Variants in HSD17B3 observed in about 807,000 individuals in gnomAD.
HSD17B3 encodes 17-beta-hydroxysteroid dehydrogenase type 3.
Under a neutral mutation model 41.1 loss-of-function variants are expected in HSD17B3, and 29 were observed. The ratio of observed to expected loss-of-function variants is 0.71; its 90% confidence interval spans 0.53 to 0.96. The LOEUF (loss-of-function observed/expected upper bound fraction) is 0.96, where lower values mean the gene tolerates loss of function less well. Ranked by LOEUF, HSD17B3 falls within the 40% of genes least tolerant of loss-of-function variation. HSD17B3 has a pLI of 0.00. For synonymous variants in HSD17B3, 126 were observed against 145.6 expected (o/e 0.87, Z 0.97); for missense variants, 323 against 374.6 (o/e 0.86, Z 1.14).
Position 96,273,234 on chromosome 9 carries a change from T to C in HSD17B3, c.202-18291A>G, listed in dbSNP as rs138156849. ...AAGAATACATATTATCTCTCTATAGTACTATGAGATCTTAGTCCACACACC... is the reference window on the plus strand; with the variant it reads ...AAGAATACATATTATCTCTCTATAGCACTATGAGATCTTAGTCCACACACC... On this transcript the variant is annotated intron_variant, in intron 2 of 10. Coordinates refer to ENST00000375263, the MANE Select transcript of HSD17B3 (RefSeq NM_000197.2). 3.7e-3 allele frequency among the ~76,000 whole-genome samples: 562 copies of C among 152,298 alleles called. 9 individuals carry two copies. The highest frequency in any genetic ancestry group is 0.013 in the African/African-American group (525 of 41,564).
chr9:96,241,769 C>T (rs368254509), intron 9 of HSD17B3, among the ~76,000 whole-genome samples: 28 of 151,926 alleles, frequency 1.8e-4, no homozygotes, highest in African/African-American at 5.8e-4. Context: ...ACCTCATCTC[C>T]ATTAAAAATA....
chr9:96,269,909 GAAA>G (rs59947729), intron 2 of HSD17B3, among the ~76,000 whole-genome samples: 2 of 103,894 alleles, frequency 1.9e-5, no homozygotes, highest in African/African-American at 3.7e-5. Context: ...ATCTTAAAAA[GAAA>G]AAAAAAAAAA....
At position 96,281,816 on chromosome 9, in the gene HSD17B3, G is replaced by A. The variant is rs1826702967; in HGVS notation, c.201+16600C>T. Among the ~76,000 whole-genome samples the A allele has an allele frequency of 2.0e-5, 3 of 152,166 alleles. No homozygotes were observed. The South Asian group carries it at 6.2e-4, about 32-fold the overall frequency. ...CTTTTCAGCGTTGCTGCAATGGGTGGTTTTTTCTCTGGGCTCTGTGAGCGT... is the reference window on the plus strand; with the variant it reads ...CTTTTCAGCGTTGCTGCAATGGGTGATTTTTTCTCTGGGCTCTGTGAGCGT... On this transcript the variant is annotated intron_variant, in intron 2 of 10. Transcript: ENST00000375263.
chr9:96,273,264 T>C (rs1367667352), intron 2 of HSD17B3, among the ~76,000 whole-genome samples: 1 of 152,194 alleles, frequency 6.6e-6, no homozygotes, highest in Non-Finnish European at 1.5e-5. Context: ...CACACCCCCA[T>C]AATTTAACAT....
chr9:96,242,001 GAAA>G (rs1564023457), intron 9 of HSD17B3, among the ~76,000 whole-genome samples: 3 of 130,504 alleles, frequency 2.3e-5, no homozygotes, highest in Non-Finnish European at 4.9e-5. Context: ...AAGAAAGAAA[GAAA>G]GAGAAAGAAA....
chr9:96,301,943 T>C lies in HSD17B3; in HGVS notation c.154+8A>G, dbSNP rs1182448560. The C allele has an allele frequency of 1.9e-6, 3 of 1,613,702 alleles. No homozygotes were observed. The Admixed American group carries it at 5.0e-5, about 27-fold the overall frequency. On this transcript the variant is annotated splice_region_variant and intron_variant, in intron 1 of 10. Transcript: ENST00000375263. ...AGCAAAAAAACATGAGATGGAACACTCCCTTACCTGCCCACTGTCCCATTG... is the reference window on the plus strand; with the variant it reads ...AGCAAAAAAACATGAGATGGAACACCCCCTTACCTGCCCACTGTCCCATTG...
chr9:96,274,887 G>A (rs1427068105), intron 2 of HSD17B3, among the ~76,000 whole-genome samples: 3 of 152,104 alleles, frequency 2.0e-5, no homozygotes, highest in Admixed American at 6.6e-5. Context: ...GGACATCCAG[G>A]TTCATGACTC....
intron 2 of HSD17B3, among the ~76,000 whole-genome samples, chr9:96,296,291 T>C (rs1159889130): frequency 6.6e-6 from 1 of 152,098 alleles, no homozygotes; most frequent in African/African-American, 2.4e-5. Flanking sequence ...GCTTCCCCTC[T>C]CTCTGCTCTC....
intron 9 of HSD17B3, among the ~76,000 whole-genome samples, chr9:96,241,649 A>T (rs1836442189): frequency 6.6e-6 from 1 of 152,186 alleles, no homozygotes. Context: ...TTTAGAAAGA[A>T]AAAAGGCTGG....
At position 96,249,801 on chromosome 9, in the gene HSD17B3, C is replaced by T; in HGVS notation, c.454-15G>A. 3 of 1,614,044 alleles carry T rather than the reference C, an allele frequency of 1.9e-6. No individual in the cohort carries two copies. ...TGGATGAGGCTCTGTAATAAATAATCACAACCACACATCAGCCGGATGATT... is the reference window on the plus strand; with the variant it reads ...TGGATGAGGCTCTGTAATAAATAATTACAACCACACATCAGCCGGATGATT... On this transcript the variant is annotated splice_polypyrimidine_tract_variant and intron_variant, in intron 5 of 10. Coordinates refer to ENST00000375263, the MANE Select transcript of HSD17B3 (RefSeq NM_000197.2).
chr9:96,246,618 G>T, intron 6 of HSD17B3, 28 bp from the exon 7 acceptor site: 1 of 1,611,284 alleles, frequency 6.2e-7, no homozygotes, highest in Non-Finnish European at 8.5e-7. Flanking sequence ...AGGTAAGCCC[G>T]ACAAGGAACT....
At chr9:96,295,828 G>A (rs1373391837) in intron 2 of HSD17B3, among the ~76,000 whole-genome samples, 1 of 152,098 alleles carries the variant, frequency 6.6e-6, no homozygotes, top group Admixed American at 6.5e-5. Context: ...CGAATGTTTT[G>A]TGGCCCCCCC....
Position 96,240,766 on chromosome 9 carries a change from C to CA in HSD17B3, c.813dup (p.Glu272Ter), listed in dbSNP as rs758700462. 6.2e-7 allele frequency: 1 copy of CA among 1,614,198 alleles called. No individual in the cohort carries two copies. Among genetic ancestry groups the CA allele is most frequent in the Non-Finnish European group, 8.5e-7 (1 of 1,180,030 alleles). ...GAGAAGTTATCAATTACCAAGATTT[C>CA]ATGGGCAAGGCAGCCACAGGTTTCA... On this transcript the variant is annotated frameshift_variant, in exon 10 of 11. Transcript: ENST00000375263. LOFTEE classifies it low-confidence loss of function (END_TRUNC).
At chr9:96,287,003 T>C (rs963538559) in intron 2 of HSD17B3, among the ~76,000 whole-genome samples, 2 of 152,182 alleles carry the variant, frequency 1.3e-5, no homozygotes, top group Non-Finnish European at 2.9e-5. Flanking sequence ...AATTCTTTCT[T>C]TGATGAGGTC....
In HSD17B3 at chr9:96,246,470, G is replaced by A. The variant is rs1304048750; in HGVS notation, c.524+86C>T. The A allele has an allele frequency of 2.6e-5, 30 of 1,139,736 alleles. No homozygotes were observed. In the Admixed American group the frequency reaches 5.2e-4, roughly 20 times the overall value. 70.6% of individuals were successfully genotyped at this position (1,139,736 alleles called of 1,614,324 possible). A position where few individuals can be genotyped will look rare whatever the true frequency, so the allele number is the denominator to read the frequency against. ...ATCGTTTGTTAAAGCACAGCCAGAT[G>A]GACTCTGTGTCCCCAGTCCCTGAGT... On this transcript the variant is annotated intron_variant, in intron 7 of 10. Coordinates refer to ENST00000375263, the MANE Select transcript of HSD17B3 (RefSeq NM_000197.2).
intron 2 of HSD17B3, among the ~76,000 whole-genome samples, chr9:96,255,888 G>C (rs867473962): frequency 6.6e-6 from 1 of 152,328 alleles, no homozygotes; most frequent in African/African-American, 2.4e-5. Context: ...ACTCCAGAGG[G>C]CTGCGTGAAG....
At position 96,252,923 on chromosome 9, in the gene HSD17B3, CA is replaced by C. The variant is rs1460526316; in HGVS notation, c.278-14del. On this transcript the variant is annotated splice_polypyrimidine_tract_variant and intron_variant, in intron 3 of 10. Transcript: ENST00000375263. The stretch of plus-strand genomic sequence containing the variant: ...CCTGTAGTCCGCTCTACACGAGAGA[CA>C]ACAGTTTTTTTAATGAACAGGGATC... 7.1e-6 allele frequency: 11 copies of C among 1,558,878 alleles called. No individual in the cohort carries two copies. The highest frequency in any genetic ancestry group is 9.7e-6 in the Non-Finnish European group (11 of 1,129,988).
chr9:96,253,859 T>C (rs772187414), intron 3 of HSD17B3, among the ~76,000 whole-genome samples: 2 of 152,130 alleles, frequency 1.3e-5, no homozygotes, highest in Non-Finnish European at 2.9e-5. Flanking sequence ...CAAAGTTACT[T>C]CTGATATCCA....
chr9:96,287,635 GGGAGGCAGA>G (rs763217292), intron 2 of HSD17B3, among the ~76,000 whole-genome samples: 8 of 152,136 alleles, frequency 5.3e-5, no homozygotes, highest in Non-Finnish European at 7.4e-5. Context: ...ACTTGAACCC[GGGAGGCAGA>G]GGTTGCAGTG....
Sources: gnomAD v4.1 joint callset for allele counts (sites outside exome capture counted in the v4.1 genomes callset) on GRCh38, gnomAD v4.1.1 for gene constraint, MANE v1.5 for transcripts, NCBI Gene and HGNC (gene_info 2026-07-23, HGNC 2026-07-21) for gene names.